ARMCX4: variants seen among roughly 807,000 people sequenced by gnomAD.
ARMCX4 encodes the protein armadillo repeat containing X-linked 4.
Under a neutral mutation model 34.7 loss-of-function variants are expected in ARMCX4, and 3 were observed. The observed-to-expected ratio is 0.09, with a 90% CI of 0.04 to 0.22. ARMCX4 has a LOEUF of 0.22. Ranked by LOEUF, ARMCX4 falls within the 10% of genes least tolerant of loss-of-function variation. The pLI is 1.00. For synonymous variants in ARMCX4, 513 were observed against 632.8 expected (o/e 0.81, Z 2.84); for missense variants, 1,448 against 1,720.8 (o/e 0.84, Z 2.81).
upstream of ARMCX4, among the ~76,000 whole-genome samples, chrX:101,481,960 G>A (rs1037217220): frequency 6.3e-5 from 7 of 111,485 alleles, no homozygotes; most frequent in East Asian, 2.8e-4. Context: ...CTGGCCAGGC[G>A]TGGTGGCTCA....
intron 11 of ARMCX4, among the ~76,000 whole-genome samples, chrX:101,515,404 T>G (rs1934704423): frequency 4.1e-5 from 1 of 24,400 alleles, no homozygotes; most frequent in Non-Finnish European, 8.0e-5. Context: ...CCTCCCTCCC[T>G]CCCTCCCTCT....
chrX:101,501,154 C>T (rs192485321), intron 7 of ARMCX4, among the ~76,000 whole-genome samples: 2 of 112,736 alleles, frequency 1.8e-5, no homozygotes, highest in East Asian at 5.6e-4. Flanking sequence ...TCACATTTCA[C>T]ACCTGGAATT....
In ARMCX4 at chrX:101,490,136, G is replaced by C; in HGVS notation, c.1547G>C (p.Ser516Thr). The stretch of plus-strand genomic sequence containing the variant: ...ATGAAGGCTCAAGGTATGGCCCAGA[G>C]CCAGGGTGAAGCCTTACCTAATACT... The part of the protein sequence containing the change: ...VDMKAQGMAQ[S>T]QGEALPNTRG... The change falls in exon 6 of 6, where the codon AGC (serine) becomes ACC (threonine). Residue 516 changes from serine (S) to threonine (T), a missense_variant. Physicochemically the swap from Ser to Thr is moderately conservative, Grantham distance 58. This residue lies in a region of ARMCX4 where 1,343 missense variants were observed against 1,540.7 expected (regional missense o/e 0.87). Transcript: ENST00000423738. 1 of 1,156,088 alleles carries C rather than the reference G, an allele frequency of 8.6e-7. No individual in the cohort carries two copies. Among genetic ancestry groups the C allele is most frequent in the African/African-American group, 1.8e-5 (1 of 56,374 alleles).
chrX:101,480,123 GACACACACAC>G (rs57237822), intron 4 of ARMCX4, among the ~76,000 whole-genome samples: 1,079 of 76,669 alleles, frequency 0.014, 16 homozygotes, highest in African/African-American at 0.038. Flanking sequence ...AGGATTTGGA[GACACACACAC>G]ACACACACAC....
chrX:101,514,256 A>G (rs1556017092), intron 11 of ARMCX4, among the ~76,000 whole-genome samples: 2 of 111,397 alleles, frequency 1.8e-5, no homozygotes, highest in African/African-American at 6.5e-5. Flanking sequence ...TAGGGGTGAT[A>G]GAGAGTGATG....
At chrX:101,504,849 C>A (rs1934410141) in intron 7 of ARMCX4, 1 of 111,161 alleles carries the variant, frequency 9.0e-6, no homozygotes, top group Non-Finnish European at 1.9e-5. Flanking sequence ...GTCCTTGAGG[C>A]AGTTTAGTGT....
intron 4 of ARMCX4, among the ~76,000 whole-genome samples, chrX:101,475,971 A>G (rs1210168345): frequency 9.0e-6 from 1 of 111,239 alleles, no homozygotes; most frequent in Non-Finnish European, 1.9e-5. Flanking sequence ...TAAATTTCAC[A>G]ATTGATGTGC....
At chrX:101,436,702 A>G (rs1216453888) in intron 2 of ARMCX4, among the ~76,000 whole-genome samples, 1 of 111,451 alleles carries the variant, frequency 9.0e-6, no homozygotes, top group African/African-American at 3.3e-5. Flanking sequence ...GTGGTGAGAG[A>G]GGGCATCCCT....
At chrX:101,473,713 A>T (rs1933024927) in intron 4 of ARMCX4, among the ~76,000 whole-genome samples, 1 of 100,888 alleles carries the variant, frequency 9.9e-6, no homozygotes, top group African/African-American at 3.6e-5. Flanking sequence ...TGACTACTGG[A>T]TACATAACGA....
At chrX:101,442,964 C>T (rs1931395524) in intron 2 of ARMCX4, among the ~76,000 whole-genome samples, 1 of 109,317 alleles carries the variant, frequency 9.1e-6, no homozygotes, top group Admixed American at 9.8e-5. Context: ...AACTCTGTCT[C>T]TATTAAAATA....
At chrX:101,437,950 G>A (rs1555995463) in intron 2 of ARMCX4, among the ~76,000 whole-genome samples, 7 of 111,735 alleles carry the variant, frequency 6.3e-5, no homozygotes, top group Non-Finnish European at 3.8e-5. Context: ...AAGTAGTTGA[G>A]CGGTTTTGAG....
upstream of ARMCX4, among the ~76,000 whole-genome samples, chrX:101,482,919 A>T (rs1933522570): frequency 1.4e-5 from 1 of 72,854 alleles, no homozygotes. Context: ...TTTTTTTGAC[A>T]GAGTCTCACT....
At position 101,495,175 on chromosome X, in the gene ARMCX4, A is replaced by G; in HGVS notation, c.6586A>G (p.Met2196Val). Residue 2196 changes from methionine (M) to valine (V), a missense_variant, in exon 6 of 6, where the codon ATG becomes GTG. Physicochemically the swap from Met to Val is conservative, Grantham distance 21. Coordinates refer to ENST00000423738, the MANE Select transcript of ARMCX4 (RefSeq NM_001256155.3). ...TTTGAATTTCTCTAAAAATCCATCT[A>G]TGACAAAAGACTTGCTCATTGCCAA... ...MLLNFSKNPS[M>V]TKDLLIANAP... 1 of 1,154,420 alleles carries G rather than the reference A, an allele frequency of 8.7e-7. No individual in the cohort carries two copies.
chrX:101,504,001 A>C (rs1484618575), intron 7 of ARMCX4, among the ~76,000 whole-genome samples: 1 of 111,738 alleles, frequency 8.9e-6, no homozygotes, highest in African/African-American at 3.3e-5. Context: ...AGCTTTCTAC[A>C]TATGGCTAGC....
At chrX:101,515,248 G>C (rs782451283) in intron 11 of ARMCX4, among the ~76,000 whole-genome samples, 5 of 110,882 alleles carry the variant, frequency 4.5e-5, no homozygotes, top group Admixed American at 9.5e-5. Context: ...CCAAGTATGT[G>C]ATTAGGAGTA....
rs782359321 is a variant in ARMCX4, at chrX:101,526,660, C to T, written c.*1781-4984C>T. 7.0e-4 allele frequency among the ~76,000 whole-genome samples: 78 copies of T among 111,471 alleles called. 1 individual carries two copies. The highest frequency in any genetic ancestry group is 2.4e-3 in the African/African-American group (74 of 30,633). On this transcript the variant is annotated intron_variant and NMD_transcript_variant, in intron 11 of 12. Transcript: ENST00000354842. Reference sequence around the variant, plus strand: ...GAAGATCTACCAAGCAAATGGAAAACAGAAAAAAGCAGGGGTTGCAATCCT... The same window carrying T: ...GAAGATCTACCAAGCAAATGGAAAATAGAAAAAAGCAGGGGTTGCAATCCT...
chrX:101,503,637 GT>G (rs1934364184), intron 7 of ARMCX4, among the ~76,000 whole-genome samples: 1 of 111,465 alleles, frequency 9.0e-6, no homozygotes, highest in Non-Finnish European at 1.9e-5. Context: ...GGGGCTGTTT[GT>G]TTTTTTCTTG....
At chrX:101,440,326 G>T (rs1448275333) in intron 2 of ARMCX4, among the ~76,000 whole-genome samples, 9 of 111,600 alleles carry the variant, frequency 8.1e-5, no homozygotes, top group Non-Finnish European at 1.7e-4. Context: ...CTGCCTGATC[G>T]TTCCTCTGGA....
At chrX:101,503,480 A>G (rs1556014247) in intron 7 of ARMCX4, among the ~76,000 whole-genome samples, 2 of 111,593 alleles carry the variant, frequency 1.8e-5, no homozygotes. Flanking sequence ...TCACCATTCT[A>G]ACTGGTGTGA....
Sources: gnomAD v4.1 joint callset for allele counts (sites outside exome capture counted in the v4.1 genomes callset) on GRCh38, gnomAD v4.1.1 for gene constraint, gnomAD v4.1.1 regional missense constraint, MANE v1.5 for transcripts, NCBI Gene and HGNC (gene_info 2026-07-23, HGNC 2026-07-21) for gene names.